The following PIK3C2B variants were observed in gnomAD, a reference collection of about 807,000 sequenced individuals.
The protein encoded by PIK3C2B is phosphatidylinositol-4-phosphate 3-kinase catalytic subunit type 2 beta, also known as phosphatidylinositol 4-phosphate 3-kinase C2 domain-containing subunit beta.
PIK3C2B carries 83 observed loss-of-function variants against 184.3 expected under a neutral mutation model. The ratio of observed to expected loss-of-function variants is 0.45; its 90% confidence interval spans 0.38 to 0.54. PIK3C2B has a LOEUF of 0.54. PIK3C2B is among the 20% of genes least tolerant of loss of function. The pLI is 0.00. For missense variants in PIK3C2B, 1,736 were observed against 2,113.5 expected, an observed-to-expected ratio of 0.82 and a Z score of 3.50; for synonymous variants, 779 against 837.6, an observed-to-expected ratio of 0.93 and a Z score of 1.21.
intron 29 of PIK3C2B, 22 bp from the exon 30 acceptor site, chr1:204,428,242 G>A (rs1674855098): frequency 2.0e-6 from 3 of 1,505,800 alleles, no homozygotes; most frequent in African/African-American, 1.4e-5. Flanking sequence ...TCAGAAACAG[G>A]GCCATTCTTC....
At chr1:204,442,485 G>T in intron 20 of PIK3C2B, 41 bp downstream of exon 20, 1 of 1,328,676 alleles carries the variant, frequency 7.5e-7, no homozygotes, top group Non-Finnish European at 1.1e-6. Flanking sequence ...CCTCCACTGA[G>T]CCCTCCCACT....
chr1:204,470,116 T>A (rs1656181233), intron 1 of PIK3C2B, among the ~76,000 whole-genome samples: 1 of 151,712 alleles, frequency 6.6e-6, no homozygotes, highest in South Asian at 2.1e-4. Flanking sequence ...CTCTGCGCCC[T>A]AATCCCTATA....
chr1:204,466,482 C>CG (rs1200150616), intron 2 of PIK3C2B, among the ~76,000 whole-genome samples: 10 of 28,938 alleles, frequency 3.5e-4, no homozygotes, highest in African/African-American at 1.3e-3. Flanking sequence ...GCATGGGCGG[C>CG]GGGGGGTGGG....
chr1:204,464,742 G>C, intron 3 of PIK3C2B, 138 bp from the exon 4 acceptor site: 3 of 728,632 alleles, frequency 4.1e-6, no homozygotes, highest in Non-Finnish European at 6.7e-6. Flanking sequence ...TTGCAGGCCA[G>C]GATGGGGGCA....
intron 1 of PIK3C2B, among the ~76,000 whole-genome samples, chr1:204,480,983 C>T (rs1657088966): frequency 6.6e-6 from 1 of 152,102 alleles, no homozygotes; most frequent in South Asian, 2.1e-4. Context: ...AAGGCAATCC[C>T]TAATAGATTA....
chr1:204,470,962 G>A (rs570291563), intron 1 of PIK3C2B, among the ~76,000 whole-genome samples: 11 of 152,290 alleles, frequency 7.2e-5, no homozygotes, highest in East Asian at 1.9e-4. Flanking sequence ...GCAGATCAGC[G>A]GTATCTGGGG....
intron 1 of PIK3C2B, among the ~76,000 whole-genome samples, chr1:204,481,529 T>C (rs1458842082): frequency 6.6e-6 from 1 of 152,152 alleles, no homozygotes; most frequent in Non-Finnish European, 1.5e-5. Context: ...AGTGCTGGGA[T>C]TACAGGCATG....
Position 204,430,027 on chromosome 1 carries a change from C to G in PIK3C2B, c.4292G>C (p.Arg1431Pro). ...PSSHLPSFPSRFVIGRSRGEA... is the reference protein window; with the variant it reads ...PSSHLPSFPSPFVIGRSRGEA... ...TCCCCGGGAGCGGCCGATCACGAAG[C>G]GACTAGGGAAGCTGGCGTGGCAGCG... Residue 1431 changes from arginine to proline, a missense_variant, in exon 29 of 33, where the codon CGC becomes CCC. By Grantham distance (103) the Arg-to-Pro change is moderately radical. Around this residue, in one of 8 missense-constraint regions of PIK3C2B, gnomAD observed 200 missense variants for 199.1 expected, o/e 1.00. Coordinates refer to ENST00000684373, the MANE Select transcript of PIK3C2B (RefSeq NM_001377334.1). 6.2e-7 allele frequency: 1 copy of G among 1,608,010 alleles called. No individual in the cohort carries two copies. Among genetic ancestry groups the G allele is most frequent in the Non-Finnish European group, 8.5e-7 (1 of 1,179,072 alleles).
In PIK3C2B at chr1:204,432,264, G is replaced by C. The variant is rs61758001; in HGVS notation, c.4091C>G (p.Ser1364Cys). 9.6e-4 allele frequency: 1,555 copies of C among 1,614,118 alleles called. 26 individuals are homozygous for C. In the African/African-American group the frequency reaches 0.018, roughly 19 times the overall value. ...FASRTHTLKS[S>C]GRISDVFLCR... ...GAGGAAAACATCACTGATTCGGCCA[G>C]AGCTCTTGAGAGTGTGTGTTCGGGA... Residue 1364 changes from serine (S) to cysteine (C), a missense_variant, in exon 27 of 33, where the codon TCT becomes TGT. By Grantham distance (112) the Ser-to-Cys change is moderately radical. This residue lies in a region of PIK3C2B where 200 missense variants were observed against 199.1 expected (regional missense o/e 1.00). Coordinates refer to ENST00000684373, the MANE Select transcript of PIK3C2B (RefSeq NM_001377334.1).
chr1:204,469,687 C>T lies in PIK3C2B; in HGVS notation c.116G>A (p.Arg39Gln), dbSNP rs1183047613. Residue 39 changes from arginine to glutamine, a missense_variant, in exon 2 of 33, where the codon CGG (arginine) becomes CAG (glutamine). Around this residue, in one of 8 missense-constraint regions of PIK3C2B, gnomAD observed 404 missense variants for 418.0 expected, o/e 0.97. Transcript: ENST00000684373. The part of the protein sequence containing the change: ...ALQMEYDALS[R>Q]LRHDKEENRA... ...GTTCTCCTCCTTGTCATGCCGGAGC[C>T]GGGACAGGGCATCATACTCCATCTG... 1 of 1,613,880 alleles carries T rather than the reference C, an allele frequency of 6.2e-7. No homozygotes were observed. The highest frequency in any genetic ancestry group is 1.3e-5 in the African/African-American group (1 of 74,878).
chr1:204,476,129 C>T (rs926706295), intron 1 of PIK3C2B, among the ~76,000 whole-genome samples: 2 of 152,212 alleles, frequency 1.3e-5, no homozygotes, highest in African/African-American at 4.8e-5. Flanking sequence ...TGAAACACAG[C>T]GACCTGGCTT....
At chr1:204,463,931 G>A (rs557733199) in intron 5 of PIK3C2B, 81 bp downstream of exon 5, 61 of 1,444,138 alleles carry the variant, frequency 4.2e-5, no homozygotes, top group African/African-American at 3.2e-4. Flanking sequence ...CTGCCAGGCC[G>A]GTCCCAGCAC....
At chr1:204,463,497 C>T (rs188037205) in intron 5 of PIK3C2B, among the ~76,000 whole-genome samples, 7 of 152,226 alleles carry the variant, frequency 4.6e-5, no homozygotes, top group South Asian at 2.1e-4. Context: ...GCTGGAGGCA[C>T]GCCTTTGGGA....
chr1:204,484,090 G>T (rs1657400739), intron 1 of PIK3C2B, among the ~76,000 whole-genome samples: 1 of 152,244 alleles, frequency 6.6e-6, no homozygotes, highest in African/African-American at 2.4e-5. Context: ...TTGTGCTGGT[G>T]AAAGGGAAAG....
chr1:204,468,847 A>G, intron 2 of PIK3C2B, 23 bp downstream of exon 2: 1 of 1,544,290 alleles, frequency 6.5e-7, no homozygotes, highest in Non-Finnish European at 8.7e-7. Flanking sequence ...AGGAAGGCAG[A>G]AGAAACACAA....
chr1:204,452,197 G>A (rs1483951820), intron 12 of PIK3C2B, among the ~76,000 whole-genome samples: 1 of 151,876 alleles, frequency 6.6e-6, no homozygotes, highest in African/African-American at 2.4e-5. Context: ...GGGGCAGGCT[G>A]GGCTGCCTCT....
chr1:204,484,460 C>T (rs376843415), intron 1 of PIK3C2B, among the ~76,000 whole-genome samples: 3 of 152,078 alleles, frequency 2.0e-5, no homozygotes, highest in Admixed American at 6.5e-5. Context: ...AGCTGATGGC[C>T]GGGCGCGGTG....
rs1429615379 is a variant in PIK3C2B, at chr1:204,464,057, C to T, written c.1265G>A (p.Gly422Asp). ...THDDLRNVDVGDFVLKPCGLE... is the reference protein window; with the variant it reads ...THDDLRNVDVDDFVLKPCGLE... The stretch of plus-strand genomic sequence containing the variant: ...CCCGCAGGGCTTTAGCACAAAGTCA[C>T]CCACGTCCACATTCCTCAGGTCATC... Residue 422 changes from glycine to aspartate, a missense_variant, in exon 5 of 33, where the codon GGT (glycine) becomes GAT (aspartate). By Grantham distance (94) the Gly-to-Asp change is moderately conservative. This residue lies in a region of PIK3C2B where 609 missense variants were observed against 699.2 expected (regional missense o/e 0.87). Coordinates refer to ENST00000684373, the MANE Select transcript of PIK3C2B (RefSeq NM_001377334.1). The T allele has an allele frequency of 2.4e-5, 38 of 1,614,220 alleles. No individual in the cohort carries two copies. Among genetic ancestry groups the T allele is most frequent in the Non-Finnish European group, 3.2e-5 (38 of 1,180,032 alleles).
intron 28 of PIK3C2B, among the ~76,000 whole-genome samples, chr1:204,430,861 C>T (rs1675014689): frequency 6.6e-6 from 1 of 152,092 alleles, no homozygotes; most frequent in African/African-American, 2.4e-5. Context: ...ACCATGTTGG[C>T]CAGGCTGCTC....
Sources: allele counts gnomAD v4.1 joint callset (sites outside exome capture counted in the v4.1 genomes callset), GRCh38; gene constraint gnomAD v4.1.1; regional missense constraint gnomAD v4.1.1; transcripts MANE v1.5; gene names NCBI Gene and HGNC (gene_info 2026-07-23, HGNC 2026-07-21).